The following OR5AN1 variants were observed in gnomAD, a reference collection of about 807,000 sequenced individuals.
The protein encoded by OR5AN1 is olfactory receptor family 5 subfamily AN member 1.
For missense variants in OR5AN1, 476 were observed against 368.9 expected (o/e 1.29, Z -2.38); for synonymous variants, 167 against 131.8 (o/e 1.27, Z -1.83).
Position 59,369,250 on chromosome 11 carries a change from A to G in OR5AN1, c.*3856A>G, listed in dbSNP as rs564113442. The G allele has an allele frequency of 2.0e-5, 3 of 152,300 alleles. No homozygotes were observed. The East Asian group carries it at 5.8e-4, about 29-fold the overall frequency. The allele number at this position is 152,300 out of a possible 1,614,324, so 9.4% of individuals were successfully genotyped here. On this transcript the variant is annotated 3_prime_UTR_variant, in exon 2 of 2. Transcript: ENST00000641998. ...AAATGATCACACCAGTTCTCCAGCA[A>G]AGGTCCTTAACCAGGCCAAACTGGC... is the stretch of plus-strand genomic sequence containing the variant.
chr11:59,365,041 T>C lies in OR5AN1; in HGVS notation c.583T>C (p.Phe195Leu), dbSNP rs1565053419. 1.9e-6 allele frequency: 3 copies of C among 1,614,154 alleles called. No homozygotes were observed. Among genetic ancestry groups the C allele is most frequent in the Non-Finnish European group, 2.5e-6 (3 of 1,179,988 alleles). ...LLILSCTDTF[F>L]VQVMTAILTM... ...AATCTTGTCCTGTACTGACACTTTC[T>C]TTGTACAGGTCATGACTGCTATATT... Residue 195 changes from phenylalanine (F) to leucine (L), a missense_variant, in exon 2 of 2, where the codon TTT becomes CTT. By Grantham distance (22) the Phe-to-Leu change is conservative. Coordinates refer to ENST00000641998, the MANE Select transcript of OR5AN1 (RefSeq NM_001004729.2).
chr11:59,368,204 T>A lies in OR5AN1; in HGVS notation c.*2810T>A, dbSNP rs1051962134. The stretch of plus-strand genomic sequence containing the variant: ...GCCTTCACTGGTGACACCTCCAGGT[T>A]CTGGGAAATCTGAGGTGACCAGGTA... On this transcript the variant is annotated 3_prime_UTR_variant, in exon 2 of 2. Coordinates refer to ENST00000641998, the MANE Select transcript of OR5AN1 (RefSeq NM_001004729.2). 1 of 152,306 alleles carries A rather than the reference T, an allele frequency of 6.6e-6. No homozygotes were observed. The highest frequency in any genetic ancestry group is 6.5e-5 in the Admixed American group (1 of 15,284). 9.4% of individuals were successfully genotyped at this position (152,306 alleles called of 1,614,324 possible).
In OR5AN1 at chr11:59,370,509, A is replaced by G. The variant is rs1239907181; in HGVS notation, c.*5115A>G. ...TCTATTCTAACCAATTAATGTATGA[A>G]TTATGTGAAATACCAATCAAAATCA... On this transcript the variant is annotated 3_prime_UTR_variant, in exon 2 of 2. Coordinates refer to ENST00000641998, the MANE Select transcript of OR5AN1 (RefSeq NM_001004729.2). The G allele has an allele frequency of 2.0e-5, 3 of 152,260 alleles. No homozygotes were observed. Among genetic ancestry groups the G allele is most frequent in the Non-Finnish European group, 4.4e-5 (3 of 68,048 alleles). 9.4% of individuals were successfully genotyped at this position (152,260 alleles called of 1,614,324 possible).
At chr11:59,359,429 T>C (rs1028395994) in intron 1 of OR5AN1, 157 bp downstream of exon 1, 1 of 152,156 alleles carries the variant, frequency 6.6e-6, no homozygotes. Flanking sequence ...TCAAAAATAG[T>C]AATTTACTGA....
rs1857521229 is a variant in OR5AN1, at chr11:59,365,498, GC to G, written c.*106del. On this transcript the variant is annotated 3_prime_UTR_variant, in exon 2 of 2. Coordinates refer to ENST00000641998, the MANE Select transcript of OR5AN1 (RefSeq NM_001004729.2). ...TATAACAAAATTCATGCTGCCTACT[GC>G]CTTTGGACAAAGAAGGCTTGATTTG... The G allele has an allele frequency of 1.4e-6, 1 of 703,118 alleles. No homozygotes were observed. The highest frequency in any genetic ancestry group is 2.3e-6 in the Non-Finnish European group (1 of 430,838). The allele number at this position is 703,118 out of a possible 1,614,324, so 43.6% of individuals were successfully genotyped here.
chr11:59,361,841 T>C (rs1857466787), intron 1 of OR5AN1, among the ~76,000 whole-genome samples: 2 of 152,158 alleles, frequency 1.3e-5, no homozygotes, highest in South Asian at 4.1e-4. Context: ...GATTTTTACA[T>C]TTAATAATAT....
rs748743997 is a variant in OR5AN1 at position 59,364,613 on chromosome 11, T to G, written c.155T>G (p.Met52Arg). The G allele has an allele frequency of 8.7e-6, 14 of 1,613,982 alleles. No individual in the cohort carries two copies. The highest frequency in any genetic ancestry group is 1.0e-5 in the Non-Finnish European group (12 of 1,179,960). Reference protein sequence around the residue: ...WNLSLIVLIRMDSHLHTPMYF... With the variant: ...WNLSLIVLIRRDSHLHTPMYF... ...CTCTCCCTCATTGTTTTAATAAGGA[T>G]GGATTCCCACCTCCATACACCCATG... The change falls in exon 2 of 2, where the codon ATG becomes AGG. Residue 52 changes from methionine (M) to arginine (R), a missense_variant. Met to Arg is a moderately conservative substitution (Grantham distance 91). Transcript: ENST00000641998.
At position 59,368,521 on chromosome 11, in the gene OR5AN1, T is replaced by A. The variant is rs1857560111; in HGVS notation, c.*3127T>A. 6.6e-6 allele frequency: 1 copy of A among 152,242 alleles called. No homozygotes were observed. The highest frequency in any genetic ancestry group is 1.5e-5 in the Non-Finnish European group (1 of 68,116). 9.4% of individuals were successfully genotyped at this position (152,242 alleles called of 1,614,324 possible). On this transcript the variant is annotated 3_prime_UTR_variant, in exon 2 of 2. Coordinates refer to ENST00000641998, the MANE Select transcript of OR5AN1 (RefSeq NM_001004729.2). ...CTTTATCCACACCTCTAATAATCTG[T>A]AGTCAACCCAAGGAGAAGAGGCTGG...
At position 59,364,726 on chromosome 11, in the gene OR5AN1, C is replaced by T; in HGVS notation, c.268C>T (p.Gln90Ter). The change falls in exon 2 of 2, where the codon CAG (glutamine) becomes TAG (stop). Residue 90 changes from glutamine to a stop codon, truncating the protein, a stop_gained. Transcript: ENST00000641998. LOFTEE classifies it low-confidence loss of function (END_TRUNC). ...PKMLSNLLQE[Q>*]QTITFVGCII... is the part of the protein sequence containing the mutation. Reference sequence around the variant, plus strand: ...GATGCTCTCCAACCTCTTACAGGAACAGCAAACTATCACTTTTGTTGGTTG... The same window carrying T: ...GATGCTCTCCAACCTCTTACAGGAATAGCAAACTATCACTTTTGTTGGTTG... 1.2e-6 allele frequency: 2 copies of T among 1,613,978 alleles called. No individual in the cohort carries two copies. Among genetic ancestry groups the T allele is most frequent in the Non-Finnish European group, 8.5e-7 (1 of 1,179,890 alleles).
rs1857436033 is a variant in OR5AN1 at position 59,359,057 on chromosome 11, A to G, written c.-229A>G. ...GGACCTGGGTAAAGGTCACAGGACA[A>G]GACTTAGAACAGTGGATTCTGTACC... On this transcript the variant is annotated 5_prime_UTR_variant, in exon 1 of 2. Transcript: ENST00000641998. 1 of 152,218 alleles carries G rather than the reference A, an allele frequency of 6.6e-6. No individual in the cohort carries two copies. The highest frequency in any genetic ancestry group is 6.5e-5 in the Admixed American group (1 of 15,282). 9.4% of individuals were successfully genotyped at this position (152,218 alleles called of 1,614,324 possible).
Position 59,369,992 on chromosome 11 carries a change from A to C in OR5AN1, c.*4598A>C, listed in dbSNP as rs146180616. On this transcript the variant is annotated 3_prime_UTR_variant, in exon 2 of 2. Coordinates refer to ENST00000641998, the MANE Select transcript of OR5AN1 (RefSeq NM_001004729.2). ...TAAAGAAAATAGTCTTCAACCAAGA[A>C]TTTCATATCTAGCCAAACTAAGCTC... The C allele has an allele frequency of 1.1e-3, 172 of 152,308 alleles. 1 individual carries two copies. The highest frequency in any genetic ancestry group is 3.9e-3 in the African/African-American group (164 of 41,562). The allele number at this position is 152,308 out of a possible 1,614,324, so 9.4% of individuals were successfully genotyped here.
rs1466103040 is a variant in OR5AN1, at chr11:59,364,993, T to TTCTG, written c.537_540dup (p.Asp181LeufsTer2). On this transcript the variant is annotated frameshift_variant, in exon 2 of 2. Coordinates refer to ENST00000641998, the MANE Select transcript of OR5AN1 (RefSeq NM_001004729.2). LOFTEE classifies it low-confidence loss of function (END_TRUNC). ...TGGGTCTAATGTCATCAGACATTTC[T>TTCTG]TCTGTGACATGCCCCAACTGTTAAT... 6.2e-7 allele frequency: 1 copy of TTCTG among 1,614,072 alleles called. No individual in the cohort carries two copies. The highest frequency in any genetic ancestry group is 1.3e-5 in the African/African-American group (1 of 74,940).
Position 59,364,671 on chromosome 11 carries a change from T to C in OR5AN1, c.213T>C (p.Asp71=), listed in dbSNP as rs763014430. 6.2e-7 allele frequency: 1 copy of C among 1,613,996 alleles called. No individual in the cohort carries two copies. ...TCCTCAGTAACCTGTCCTTCATAGA[T>C]GTCTGCTATATCAGCTCCACAGTCC... The part of the protein sequence containing the change: ...YFFLSNLSFI[D]VCYISSTVPK... The change falls in exon 2 of 2, where the codon GAT becomes GAC. Residue 71 remains aspartate (D), a synonymous_variant. Transcript: ENST00000641998.
In OR5AN1 at chr11:59,365,465, G is replaced by A; in HGVS notation, c.*71G>A. On this transcript the variant is annotated 3_prime_UTR_variant, in exon 2 of 2. Coordinates refer to ENST00000641998, the MANE Select transcript of OR5AN1 (RefSeq NM_001004729.2). ...TCCCTAACCCACAAAATATGATAAT[G>A]AATGGACTATAACAAAATTCATGCT... The A allele has an allele frequency of 1.1e-6, 1 of 917,244 alleles. No homozygotes were observed. The highest frequency in any genetic ancestry group is 1.6e-6 in the Non-Finnish European group (1 of 612,292). 56.8% of individuals were successfully genotyped at this position (917,244 alleles called of 1,614,324 possible). A position where few individuals can be genotyped will look rare whatever the true frequency, so the allele number is the denominator to read the frequency against.
At chr11:59,363,446 G>C (rs895408770) in intron 1 of OR5AN1, among the ~76,000 whole-genome samples, 1 of 152,190 alleles carries the variant, frequency 6.6e-6, no homozygotes. Flanking sequence ...GGGGCCAAGA[G>C]TGAGCTGCAC....
chr11:59,370,337 AC>A lies in OR5AN1; in HGVS notation c.*4946del, dbSNP rs1189397682. ...GTGGCAAGCAGGATAAAAAAGGAAG[AC>A]CCAATGGTATGCTGTCTTCAAGAGA... On this transcript the variant is annotated 3_prime_UTR_variant, in exon 2 of 2. Transcript: ENST00000641998. 3.3e-5 allele frequency: 5 copies of A among 152,114 alleles called. No individual in the cohort carries two copies. The highest frequency in any genetic ancestry group is 7.4e-5 in the Non-Finnish European group (5 of 68,024). 9.4% of individuals were successfully genotyped at this position (152,114 alleles called of 1,614,324 possible).
chr11:59,359,572 C>T (rs147801840), intron 1 of OR5AN1: 10 of 152,214 alleles, frequency 6.6e-5, no homozygotes, highest in African/African-American at 2.4e-4. Context: ...TAACTTGATT[C>T]TGTTTAAATA....
intron 1 of OR5AN1, among the ~76,000 whole-genome samples, chr11:59,362,014 G>A (rs957094705): frequency 4.0e-5 from 6 of 151,858 alleles, no homozygotes; most frequent in African/African-American, 1.4e-4. Flanking sequence ...GTGTGTGACA[G>A]AGAGAGAGAA....
At chr11:59,362,606 A>AT (rs1170216064) in intron 1 of OR5AN1, among the ~76,000 whole-genome samples, 3 of 152,232 alleles carry the variant, frequency 2.0e-5, no homozygotes. Flanking sequence ...TGAAAGTTAA[A>AT]ATCCTTTCTA....
Sources: allele counts gnomAD v4.1 joint callset (sites outside exome capture counted in the v4.1 genomes callset), GRCh38; gene constraint gnomAD v4.1.1; transcripts MANE v1.5; gene names NCBI Gene and HGNC (gene_info 2026-07-23, HGNC 2026-07-21).